The following SMARCA5 variants were observed in gnomAD, a reference collection of about 807,000 sequenced individuals.
The protein encoded by SMARCA5 is SWI/SNF-related matrix-associated actin-dependent regulator of chromatin subfamily A member 5.
SMARCA5 carries 18 observed loss-of-function variants against 140.4 expected under a neutral mutation model. The observed-to-expected ratio is 0.13, with a 90% CI of 0.09 to 0.19. The LOEUF (loss-of-function observed/expected upper bound fraction) is 0.19. Among genes scored for constraint, SMARCA5 ranks in the 10% least tolerant of loss-of-function variants. The probability of loss-of-function intolerance (pLI) is 1.00; values close to 1 mark genes in which losing one functional copy is unlikely to be tolerated. For missense variants in SMARCA5, 606 were observed against 1,276.8 expected, an observed-to-expected ratio of 0.47 and a Z score of 8.01; for synonymous variants, 449 against 419.6, an observed-to-expected ratio of 1.07 and a Z score of -0.86.
intron 8 of SMARCA5, 111 bp downstream of exon 8, chr4:143,528,825 T>G: frequency 2.3e-6 from 2 of 864,616 alleles, no homozygotes; most frequent in East Asian, 5.8e-5. Context: ...ATTATTAATT[T>G]TTTATGCTTT....
In SMARCA5 at chr4:143,521,381, T is replaced by C. The variant is rs184875310; in HGVS notation, c.253-48T>C. 5 of 1,425,430 alleles carry C rather than the reference T, an allele frequency of 3.5e-6. No individual in the cohort carries two copies. The African/African-American group carries it at 7.2e-5, about 20-fold the overall frequency. 88.3% of individuals were successfully genotyped at this position (1,425,430 alleles called of 1,614,324 possible). On this transcript the variant is annotated intron_variant, in intron 2 of 23. Transcript: ENST00000283131. ...CATGCTGAAACTTTGATTTCTGAAG[T>C]TTTAATTGATACTCTGATAAAATGT...
chr4:143,537,488 A>G (rs1463990221), intron 11 of SMARCA5, among the ~76,000 whole-genome samples: 4 of 152,158 alleles, frequency 2.6e-5, no homozygotes, highest in African/African-American at 9.7e-5. Context: ...TTTCCTTTTC[A>G]TACCTTTTTG....
Position 143,514,093 on chromosome 4 carries a change from G to A in SMARCA5, c.169G>A (p.Glu57Lys). 1 of 1,547,406 alleles carries A rather than the reference G, an allele frequency of 6.5e-7. No individual in the cohort carries two copies. ...SAASAGPADAEMEEIFDDASP... is the reference protein window; with the variant it reads ...SAASAGPADAKMEEIFDDASP... ...GGCCAGCGCTGGTCCCGCAGACGCCGAGATGGAGGTGAGGGCGACTTGCGG... is the reference window on the plus strand; with the variant it reads ...GGCCAGCGCTGGTCCCGCAGACGCCAAGATGGAGGTGAGGGCGACTTGCGG... The change falls in exon 1 of 24, where the codon GAG (glutamate) becomes AAG (lysine). Residue 57 changes from glutamate to lysine, a missense_variant. Glu to Lys is a moderately conservative substitution (Grantham distance 56, BLOSUM62 1). Transcript: ENST00000283131.
intron 22 of SMARCA5, among the ~76,000 whole-genome samples, chr4:143,548,550 G>A (rs189993409): frequency 2.0e-4 from 31 of 152,102 alleles, no homozygotes; most frequent in African/African-American, 5.8e-4. Context: ...GCTTATTATA[G>A]TGAAACACTA....
intron 3 of SMARCA5, among the ~76,000 whole-genome samples, chr4:143,522,030 A>T (rs1375772159): frequency 6.6e-6 from 1 of 152,176 alleles, no homozygotes; most frequent in Non-Finnish European, 1.5e-5. Context: ...GAGGAAACAA[A>T]TGCAGAGGTT....
At chr4:143,524,156 G>A (rs1737022086) in intron 3 of SMARCA5, among the ~76,000 whole-genome samples, 1 of 151,826 alleles carries the variant, frequency 6.6e-6, no homozygotes, top group African/African-American at 2.4e-5. Context: ...GTATCGTACT[G>A]GTGTATTTTA....
chr4:143,551,989 T>A (rs1023149019), intron 23 of SMARCA5, among the ~76,000 whole-genome samples: 1 of 152,114 alleles, frequency 6.6e-6, no homozygotes, highest in Non-Finnish European at 1.5e-5. Flanking sequence ...ATTGAATCTG[T>A]GGATTGCTTT....
intron 14 of SMARCA5, among the ~76,000 whole-genome samples, chr4:143,542,250 A>G (rs1412949379): frequency 6.6e-6 from 1 of 152,154 alleles, no homozygotes; most frequent in African/African-American, 2.4e-5. Flanking sequence ...TTACTGTGGC[A>G]ATTTTTGGAG....
chr4:143,516,265 G>A (rs927911080), intron 1 of SMARCA5, among the ~76,000 whole-genome samples: 2 of 119,004 alleles, frequency 1.7e-5, no homozygotes, highest in Non-Finnish European at 1.8e-5. Flanking sequence ...GCCTTCCTAT[G>A]TATTCAGTTA....
chr4:143,549,946 C>A, intron 22 of SMARCA5, 51 bp from the exon 23 acceptor site: 3 of 1,001,860 alleles, frequency 3.0e-6, no homozygotes, highest in South Asian at 1.4e-5. Flanking sequence ...AAATTGAAAT[C>A]ATGAAACTTG....
intron 8 of SMARCA5, among the ~76,000 whole-genome samples, chr4:143,529,546 A>G (rs1737141142): frequency 6.6e-6 from 1 of 152,186 alleles, no homozygotes; most frequent in Non-Finnish European, 1.5e-5. Context: ...TTAATTAGCT[A>G]TTTGAACTGT....
At position 143,536,683 on chromosome 4, in the gene SMARCA5, C is replaced by T. The variant is rs369837535; in HGVS notation, c.1495+5C>T. On this transcript the variant is annotated splice_donor_5th_base_variant and intron_variant, in intron 11 of 23. Transcript: ENST00000283131. ...TCCCTAAGTTAAAAGAACAAGGTAT[C>T]GGTTACCCGTATCAAATTATCAAAA... 55 of 1,587,874 alleles carry T rather than the reference C, an allele frequency of 3.5e-5. No individual in the cohort carries two copies. The highest frequency in any genetic ancestry group is 4.1e-5 in the Non-Finnish European group (48 of 1,157,186).
At chr4:143,549,927 C>T in intron 22 of SMARCA5, 70 bp from the exon 23 acceptor site, 2 of 800,614 alleles carry the variant, frequency 2.5e-6, no homozygotes, top group Admixed American at 2.4e-5. Flanking sequence ...TAAAACATAC[C>T]TTGTTTTAAA....
At chr4:143,545,256 T>C (rs898407676) in intron 17 of SMARCA5, among the ~76,000 whole-genome samples, 4 of 152,202 alleles carry the variant, frequency 2.6e-5, no homozygotes, top group African/African-American at 9.6e-5. Context: ...TTTGCATTTC[T>C]TTAGAGTGTA....
Position 143,521,673 on chromosome 4 carries a change from A to T in SMARCA5, c.419+78A>T. 3 of 1,251,164 alleles carry T rather than the reference A, an allele frequency of 2.4e-6. No individual in the cohort carries two copies. The South Asian group carries it at 4.6e-5, about 19-fold the overall frequency. 77.5% of individuals were successfully genotyped at this position (1,251,164 alleles called of 1,614,324 possible). Reference sequence around the variant, plus strand: ...TCAGTGGAAGCATAAAATCACTATGATAAATAACTTAAAATTATTTTAGTG... The same window carrying T: ...TCAGTGGAAGCATAAAATCACTATGTTAAATAACTTAAAATTATTTTAGTG... On this transcript the variant is annotated intron_variant, in intron 3 of 23. Coordinates refer to ENST00000283131, the MANE Select transcript of SMARCA5 (RefSeq NM_003601.4).
Position 143,555,218 on chromosome 4 carries a change from C to G in SMARCA5, c.*2034C>G. ...GCCTCTACCACCATAGGGCCCAGAG[C>G]TTCTGCCTCCAAAGTTTCCTCCCTT... On this transcript the variant is annotated 3_prime_UTR_variant, in exon 24 of 24. Transcript: ENST00000283131. 2.4e-6 allele frequency: 2 copies of G among 817,566 alleles called. No homozygotes were observed. The highest frequency in any genetic ancestry group is 4.2e-6 in the Non-Finnish European group (2 of 475,050). The allele number at this position is 817,566 out of a possible 1,614,324, so 50.6% of individuals were successfully genotyped here. A position where few individuals can be genotyped will look rare whatever the true frequency, so the allele number is the denominator to read the frequency against.
chr4:143,517,927 T>TA (rs1321046282), intron 2 of SMARCA5, among the ~76,000 whole-genome samples: 1 of 152,216 alleles, frequency 6.6e-6, no homozygotes, highest in Non-Finnish European at 1.5e-5. Flanking sequence ...TTCCATATCT[T>TA]ATGTGTCTAT....
At chr4:143,518,607 C>A (rs1053139060) in intron 2 of SMARCA5, among the ~76,000 whole-genome samples, 4 of 152,088 alleles carry the variant, frequency 2.6e-5, no homozygotes, top group African/African-American at 9.6e-5. Flanking sequence ...TCTTAAATAG[C>A]TTCAAAATCT....
intron 13 of SMARCA5, 64 bp from the exon 14 acceptor site, chr4:143,540,298 AC>A: frequency 7.7e-7 from 1 of 1,298,330 alleles, no homozygotes. Context: ...TTCTCAGTGT[AC>A]CCATTTCAGT....
Sources: allele counts gnomAD v4.1 joint callset (sites outside exome capture counted in the v4.1 genomes callset), GRCh38; gene constraint gnomAD v4.1.1; transcripts MANE v1.5; gene names NCBI Gene and HGNC (gene_info 2026-07-23, HGNC 2026-07-21).